RBM6: variants seen among roughly 807,000 people sequenced by gnomAD.
RBM6 encodes RNA binding motif protein 6.
Under a neutral mutation model 140.4 loss-of-function variants are expected in RBM6, and 23 were observed. The observed-to-expected ratio is 0.16, with a 90% confidence interval of 0.12 to 0.23. The LOEUF (loss-of-function observed/expected upper bound fraction) is 0.23, where lower values mean the gene tolerates loss of function less well. RBM6 is among the 10% of genes least tolerant of loss of function. The pLI, the probability that RBM6 is intolerant of heterozygous loss-of-function variation, is 1.00. For missense variants in RBM6, 1,139 were observed against 1,386.7 expected (o/e 0.82, Z 2.84); for synonymous variants, 439 against 475.6 (o/e 0.92, Z 1.00).
Position 50,057,961 on chromosome 3 carries a change from G to C in RBM6, c.1927G>C (p.Glu643Gln). Residue 643 changes from glutamate to glutamine, a missense_variant, in exon 9 of 21, where the codon GAG becomes CAG. Glu to Gln is a conservative substitution (Grantham distance 29, BLOSUM62 2). This residue lies in a region of RBM6 where 109 missense variants were observed against 101.9 expected (regional missense o/e 1.07). Coordinates refer to ENST00000266022, the MANE Select transcript of RBM6 (RefSeq NM_005777.3). Reference protein sequence around the residue: ...GPTFRRDRERESWSGETRQDG... With the variant: ...GPTFRRDRERQSWSGETRQDG... ...AACTTTCCGAAGAGACCGAGAGAGG[G>C]AGTCATGGTCTGGAGAGACACGCCA... The C allele has an allele frequency of 6.2e-7, 1 of 1,614,094 alleles. No individual in the cohort carries two copies. Among genetic ancestry groups the C allele is most frequent in the Non-Finnish European group, 8.5e-7 (1 of 1,180,038 alleles).
intron 5 of RBM6, among the ~76,000 whole-genome samples, chr3:49,980,541 T>C (rs7631555): frequency 6.6e-6 from 1 of 151,554 alleles, no homozygotes; most frequent in Non-Finnish European, 1.5e-5. Context: ...AGGTAGATCA[T>C]CTGAGGTCAG....
chr3:50,076,824 C>G (rs1424094737), intron 20 of RBM6, among the ~76,000 whole-genome samples, 184 bp from the exon 21 acceptor site: 1 of 151,628 alleles, frequency 6.6e-6, no homozygotes, highest in Non-Finnish European at 1.5e-5. Context: ...GGCAGACTTG[C>G]AGTGAGCCCA....
intron 5 of RBM6, among the ~76,000 whole-genome samples, chr3:49,996,553 T>A (rs762809869): frequency 6.6e-6 from 1 of 152,248 alleles, no homozygotes; most frequent in Non-Finnish European, 1.5e-5. Context: ...CTGTCATTTA[T>A]AATAAGACAT....
At chr3:49,961,148 G>A (rs1028262159) in intron 1 of RBM6, among the ~76,000 whole-genome samples, 1 of 152,054 alleles carries the variant, frequency 6.6e-6, no homozygotes, top group Non-Finnish European at 1.5e-5. Flanking sequence ...CATGATCTTG[G>A]CTGACTGTAG....
At chr3:49,944,380 G>A (rs548831687) in intron 1 of RBM6, among the ~76,000 whole-genome samples, 1 of 150,512 alleles carries the variant, frequency 6.6e-6, no homozygotes, top group East Asian at 2.0e-4. Flanking sequence ...ACCACATTTT[G>A]TTTATCCATT....
At position 49,968,775 on chromosome 3, in the gene RBM6, T is replaced by TTC. The variant is rs780640038; in HGVS notation, c.1323+28_1323+29insCT. On this transcript the variant is annotated intron_variant, in intron 3 of 20. Coordinates refer to ENST00000266022, the MANE Select transcript of RBM6 (RefSeq NM_005777.3). ...TATGTTGATGGGGTGGATTGCTTTT[T>TTC]TTTTTTTTTTTTTTTTTTTTTTTGA... 1.2e-3 allele frequency: 999 copies of TTC among 831,664 alleles called. 1 individual carries two copies. The highest frequency in any genetic ancestry group is 1.7e-3 in the Middle Eastern group (4 of 2,418). 51.5% of individuals were successfully genotyped at this position (831,664 alleles called of 1,614,324 possible). A position where few individuals can be genotyped will look rare whatever the true frequency, so the allele number is the denominator to read the frequency against.
chr3:49,950,879 CGAT>C (rs2083701097), intron 1 of RBM6, among the ~76,000 whole-genome samples: 1 of 152,008 alleles, frequency 6.6e-6, no homozygotes, highest in Admixed American at 6.6e-5. Flanking sequence ...AACAGAGTCT[CGAT>C]GAGATATTTG....
intron 6 of RBM6, among the ~76,000 whole-genome samples, chr3:50,011,483 T>C (rs2086848950): frequency 6.6e-6 from 1 of 152,216 alleles, no homozygotes; most frequent in South Asian, 2.1e-4. Context: ...GGGAGATTCC[T>C]GTAATCGGAT....
chr3:50,046,637 T>TG (rs1342658788), intron 6 of RBM6, among the ~76,000 whole-genome samples: 2 of 151,596 alleles, frequency 1.3e-5, no homozygotes, highest in African/African-American at 2.4e-5. Flanking sequence ...CTTCCTGCAT[T>TG]GGTGGAGCTT....
chr3:49,984,668 A>C lies in RBM6; in HGVS notation c.1483+9276A>C, dbSNP rs1195627347. Among the ~76,000 whole-genome samples, 4 of 151,678 alleles carry C rather than the reference A, an allele frequency of 2.6e-5. No homozygotes were observed. The South Asian group carries it at 8.3e-4, about 31-fold the overall frequency. On this transcript the variant is annotated intron_variant, in intron 5 of 20. Transcript: ENST00000266022. ...ATCGCATCGCATCGCATCGCATTGCATCACATCACATCACAACATAACATA... is the reference window on the plus strand; with the variant it reads ...ATCGCATCGCATCGCATCGCATTGCCTCACATCACATCACAACATAACATA...
chr3:49,971,987 T>C, intron 3 of RBM6, 72 bp from the exon 4 acceptor site: 1 of 1,188,220 alleles, frequency 8.4e-7, no homozygotes, highest in Non-Finnish European at 1.2e-6. Flanking sequence ...CCTGAGTGGC[T>C]AAATTTCATG....
At chr3:50,069,644 C>T (rs1434164661) in intron 18 of RBM6, among the ~76,000 whole-genome samples, 2 of 151,836 alleles carry the variant, frequency 1.3e-5, no homozygotes, top group Non-Finnish European at 2.9e-5. Flanking sequence ...GAGCTATGAT[C>T]ACAGCCCTGT....
chr3:49,944,727 C>T (rs745593717), intron 1 of RBM6, among the ~76,000 whole-genome samples: 63 of 151,944 alleles, frequency 4.1e-4, no homozygotes, highest in Admixed American at 5.9e-4. Flanking sequence ...CAACCTGCCT[C>T]GGCCTCCCAA....
At chr3:50,003,925 C>T (rs778348230) in intron 6 of RBM6, among the ~76,000 whole-genome samples, 7 of 152,202 alleles carry the variant, frequency 4.6e-5, no homozygotes, top group Non-Finnish European at 1.0e-4. Flanking sequence ...TGTCATATGC[C>T]CTTGGCTTTC....
At chr3:50,000,611 G>C (rs1302547284) in intron 6 of RBM6, among the ~76,000 whole-genome samples, 1 of 151,922 alleles carries the variant, frequency 6.6e-6, no homozygotes, top group Non-Finnish European at 1.5e-5. Context: ...TAGAGATGGG[G>C]TTTCTCCATG....
At chr3:50,022,987 T>C (rs1166173271) in intron 6 of RBM6, among the ~76,000 whole-genome samples, 1 of 151,990 alleles carries the variant, frequency 6.6e-6, no homozygotes, top group East Asian at 1.9e-4. Context: ...TATTCCCAGC[T>C]ACTAGGGAGG....
intron 20 of RBM6, among the ~76,000 whole-genome samples, chr3:50,075,997 C>G (rs1036550372): frequency 1.3e-5 from 2 of 149,940 alleles, no homozygotes; most frequent in Admixed American, 1.3e-4. Flanking sequence ...GAGACAGAGT[C>G]TTGCTCTGTC....
chr3:50,012,812 G>T (rs2086919842), intron 6 of RBM6, among the ~76,000 whole-genome samples: 1 of 135,094 alleles, frequency 7.4e-6, no homozygotes, highest in East Asian at 2.2e-4. Flanking sequence ...GCGCAATCTC[G>T]GCTCACCACA....
intron 5 of RBM6, among the ~76,000 whole-genome samples, chr3:49,975,800 A>C (rs781085989): frequency 2.0e-5 from 3 of 152,282 alleles, no homozygotes; most frequent in Admixed American, 1.3e-4. Context: ...TCCCAGAGAA[A>C]TTGTACAAAT....
Sources: gnomAD v4.1 joint callset for allele counts (sites outside exome capture counted in the v4.1 genomes callset) on GRCh38, gnomAD v4.1.1 for gene constraint, gnomAD v4.1.1 regional missense constraint, MANE v1.5 for transcripts, NCBI Gene and HGNC (gene_info 2026-07-23, HGNC 2026-07-21) for gene names.